The following NUDT9 variants were observed in gnomAD, a reference collection of about 807,000 sequenced individuals.
NUDT9 encodes the protein ADP-ribose pyrophosphatase.
Under a neutral mutation model 41.0 loss-of-function variants are expected in NUDT9, and 31 were observed. The ratio of observed to expected loss-of-function variants is 0.76; its 90% CI spans 0.57 to 1.02. The LOEUF (loss-of-function observed/expected upper bound fraction) is 1.02, where lower values mean the gene tolerates loss of function less well. Ranked by LOEUF, NUDT9 falls within the 50% of genes least tolerant of loss-of-function variation. NUDT9 has a pLI of 0.00. For synonymous variants in NUDT9, 146 were observed against 147.6 expected (o/e 0.99, Z 0.08); for missense variants, 380 against 431.4 (o/e 0.88, Z 1.06).
intron 1 of NUDT9, among the ~76,000 whole-genome samples, chr4:87,431,244 T>C (rs1429998613): frequency 1.3e-5 from 2 of 152,252 alleles, no homozygotes; most frequent in Non-Finnish European, 2.9e-5. Flanking sequence ...TCAAAAATTA[T>C]TGTGAGGATT....
At position 87,458,087 on chromosome 4, in the gene NUDT9, A is replaced by G. The variant is rs1175975854; in HGVS notation, c.*66A>G. ...TATACTGAAAAGAAGGCAGTATCACAGAATTTATACTATAAAAAGGGCAGG... is the reference window on the plus strand; with the variant it reads ...TATACTGAAAAGAAGGCAGTATCACGGAATTTATACTATAAAAAGGGCAGG... On this transcript the variant is annotated 3_prime_UTR_variant, in exon 8 of 8. Transcript: ENST00000302174. 1.4e-6 allele frequency: 2 copies of G among 1,411,668 alleles called. No individual in the cohort carries two copies. The highest frequency in any genetic ancestry group is 2.8e-5 in the Admixed American group (1 of 36,266). The allele number at this position is 1,411,668 out of a possible 1,614,324, so 87.4% of individuals were successfully genotyped here.
chr4:87,437,982 T>G (rs1429603497), intron 2 of NUDT9, among the ~76,000 whole-genome samples: 1 of 152,116 alleles, frequency 6.6e-6, no homozygotes. Context: ...TAGACCTTCT[T>G]GTAGCATGAG....
chr4:87,422,848 G>GA lies in NUDT9; in HGVS notation c.-57dup. ...GGGACTCGGAGCTGTGGGGTGTGGGGAGGCGGAGGCACCAACTAAGAGCGA... is the reference window on the plus strand; with the variant it reads ...GGGACTCGGAGCTGTGGGGTGTGGGGAAGGCGGAGGCACCAACTAAGAGCGA... On this transcript the variant is annotated 5_prime_UTR_variant, in exon 1 of 8. Coordinates refer to ENST00000302174, the MANE Select transcript of NUDT9 (RefSeq NM_024047.5). The GA allele has an allele frequency of 7.4e-7, 1 of 1,357,404 alleles. No individual in the cohort carries two copies. Among genetic ancestry groups the GA allele is most frequent in the African/African-American group, 1.5e-5 (1 of 68,436 alleles). The allele number at this position is 1,357,404 out of a possible 1,614,324, so 84.1% of individuals were successfully genotyped here.
intron 4 of NUDT9, among the ~76,000 whole-genome samples, chr4:87,447,795 ATG>A (rs1198772549): frequency 1.3e-5 from 2 of 152,238 alleles, no homozygotes; most frequent in Non-Finnish European, 2.9e-5. Context: ...GCACTTTGGG[ATG>A]CCGAGGTGGG....
intron 1 of NUDT9, among the ~76,000 whole-genome samples, chr4:87,431,988 T>G (rs895429786): frequency 2.6e-5 from 4 of 152,208 alleles, no homozygotes; most frequent in African/African-American, 9.6e-5. Flanking sequence ...ACCCAGCATG[T>G]TAGTGTTTTT....
rs1722225699 is a variant in NUDT9 at position 87,442,043 on chromosome 4, G to A, written c.530+128G>A. The A allele has an allele frequency of 6.3e-6, 4 of 633,536 alleles. No individual in the cohort carries two copies. In the South Asian group the frequency reaches 6.5e-5, roughly 10 times the overall value. 39.2% of individuals were successfully genotyped at this position (633,536 alleles called of 1,614,324 possible). On this transcript the variant is annotated intron_variant, in intron 4 of 7. Transcript: ENST00000302174. Reference sequence around the variant, plus strand: ...CATATGTATGTGTTTGTATATATATGTATGTATACAGTCATGCATTGCTTA... The same window carrying A: ...CATATGTATGTGTTTGTATATATATATATGTATACAGTCATGCATTGCTTA...
At chr4:87,423,950 T>A (rs1201327219) in intron 1 of NUDT9, among the ~76,000 whole-genome samples, 2 of 152,198 alleles carry the variant, frequency 1.3e-5, no homozygotes, top group Non-Finnish European at 2.9e-5. Flanking sequence ...CTCTGCTGAG[T>A]ATAGCTGTTT....
intron 4 of NUDT9, among the ~76,000 whole-genome samples, chr4:87,445,964 A>G (rs1005834487): frequency 6.5e-5 from 9 of 139,288 alleles, no homozygotes; most frequent in African/African-American, 1.9e-4. Context: ...GGGTCTTGCT[A>G]TGTTACCCTG....
At chr4:87,450,276 GT>G (rs1722648847) in intron 5 of NUDT9, among the ~76,000 whole-genome samples, 3 of 151,862 alleles carry the variant, frequency 2.0e-5, no homozygotes, top group Non-Finnish European at 2.9e-5. Context: ...AAAACATACA[GT>G]TGTCTGCAAG....
chr4:87,445,698 A>G (rs1722413702), intron 4 of NUDT9, among the ~76,000 whole-genome samples: 1 of 152,206 alleles, frequency 6.6e-6, no homozygotes, highest in Non-Finnish European at 1.5e-5. Flanking sequence ...TAGAAATATT[A>G]CTGATATTCA....
At chr4:87,447,469 A>T (rs1722507648) in intron 4 of NUDT9, among the ~76,000 whole-genome samples, 1 of 149,214 alleles carries the variant, frequency 6.7e-6, no homozygotes, top group South Asian at 2.1e-4. Flanking sequence ...TTGGTTTAGC[A>T]TTGGAAGTTT....
At chr4:87,439,324 AG>A (rs1180068737) in intron 3 of NUDT9, among the ~76,000 whole-genome samples, 1 of 152,036 alleles carries the variant, frequency 6.6e-6, no homozygotes, top group African/African-American at 2.4e-5. Context: ...AACAGGTGAC[AG>A]AGAGTGAATA....
rs1054030156 is a variant in NUDT9, at chr4:87,424,284, G to C, written c.107+1272G>C. On this transcript the variant is annotated intron_variant, in intron 1 of 7. Coordinates refer to ENST00000302174, the MANE Select transcript of NUDT9 (RefSeq NM_024047.5). ...TTTTTTTTTTTTTTTTTTTGAGAAG[G>C]AGTTTCGCTCTGTCGCCCAGGCTGG... Among the ~76,000 whole-genome samples, 3 of 124,420 alleles carry C rather than the reference G, an allele frequency of 2.4e-5. No individual in the cohort carries two copies. The Admixed American group carries it at 2.6e-4, about 11-fold the overall frequency. 81.6% of individuals were successfully genotyped at this position (124,420 alleles called of 152,430 possible).
chr4:87,448,563 C>A (rs1722572834), intron 4 of NUDT9, among the ~76,000 whole-genome samples: 1 of 152,044 alleles, frequency 6.6e-6, no homozygotes, highest in South Asian at 2.1e-4. Flanking sequence ...CTCAGTGCAA[C>A]CTTAAACTCC....
chr4:87,444,335 T>A (rs6531997), intron 4 of NUDT9, among the ~76,000 whole-genome samples: 90,832 of 151,774 alleles, frequency 0.6, 27,425 homozygotes, highest in East Asian at 0.7. Flanking sequence ...AGGCACCCAT[T>A]CTCACCCGGT....
In NUDT9 at chr4:87,457,909, T is replaced by C. The variant is rs1247769493; in HGVS notation, c.941T>C (p.Ile314Thr). Residue 314 changes from isoleucine (I) to threonine (T), a missense_variant, in exon 8 of 8, where the codon ATC becomes ACC. Transcript: ENST00000302174. ...DDAGKVKWVD[I>T]NDKLKLYASH... ...GCTGGAAAAGTGAAATGGGTGGACATCAATGATAAACTGAAGCTTTATGCC... is the reference window on the plus strand; with the variant it reads ...GCTGGAAAAGTGAAATGGGTGGACACCAATGATAAACTGAAGCTTTATGCC... 6.2e-7 allele frequency: 1 copy of C among 1,609,840 alleles called. No homozygotes were observed. Among genetic ancestry groups the C allele is most frequent in the Admixed American group, 1.7e-5 (1 of 59,144 alleles).
intron 3 of NUDT9, among the ~76,000 whole-genome samples, chr4:87,438,799 C>T (rs6531994): frequency 0.67 from 102,598 of 152,126 alleles, 35,351 homozygotes; most frequent in African/African-American, 0.82. Flanking sequence ...AAATGATTTT[C>T]CTATACAACT....
intron 1 of NUDT9, among the ~76,000 whole-genome samples, chr4:87,430,459 C>G (rs539458573): frequency 6.6e-6 from 1 of 152,282 alleles, no homozygotes; most frequent in South Asian, 2.1e-4. Context: ...TTTTTTATGT[C>G]ATTGCTTTAT....
chr4:87,428,710 A>G (rs1721542620), intron 1 of NUDT9, among the ~76,000 whole-genome samples: 1 of 152,298 alleles, frequency 6.6e-6, no homozygotes, highest in East Asian at 1.9e-4. Context: ...GAATTGGGGT[A>G]GCACAGAGGA....
Sources: allele counts gnomAD v4.1 joint callset (sites outside exome capture counted in the v4.1 genomes callset), GRCh38; gene constraint gnomAD v4.1.1; transcripts MANE v1.5; gene names NCBI Gene and HGNC (gene_info 2026-07-23, HGNC 2026-07-21).